The following KIF24 variants were observed in gnomAD, a reference collection of about 807,000 sequenced individuals.
KIF24 encodes kinesin-like protein KIF24.
KIF24 carries 81 observed loss-of-function variants against 118.9 expected under a neutral mutation model. That is an observed-to-expected ratio of 0.68 (90% CI 0.57 to 0.82). The LOEUF is 0.82. Among genes scored for constraint, KIF24 ranks in the 40% least tolerant of loss-of-function variants. The probability of loss-of-function intolerance (pLI) is 0.00; values close to 1 mark genes in which losing one functional copy is unlikely to be tolerated. For synonymous variants in KIF24, 599 were observed against 610.0 expected, an observed-to-expected ratio of 0.98 and a Z score of 0.27; for missense variants, 1,560 against 1,661.6, an observed-to-expected ratio of 0.94 and a Z score of 1.06.
At position 34,290,409 on chromosome 9, in the gene KIF24, C is replaced by A; in HGVS notation, c.912-20G>T. On this transcript the variant is annotated intron_variant, in intron 4 of 12. Coordinates refer to ENST00000402558, the MANE Select transcript of KIF24 (RefSeq NM_194313.4). ...TTGCCTCTGGGGAAAGGATAATTTG[C>A]ATTACTTATGCATATTAAGAGAAGT... The A allele has an allele frequency of 6.7e-7, 1 of 1,500,908 alleles. No homozygotes were observed. The highest frequency in any genetic ancestry group is 1.7e-4 in the Middle Eastern group (1 of 5,738). The allele number at this position is 1,500,908 out of a possible 1,614,324, so 93.0% of individuals were successfully genotyped here.
intron 9 of KIF24, among the ~76,000 whole-genome samples, chr9:34,262,056 C>T (rs1835076661): frequency 6.6e-6 from 1 of 152,196 alleles, no homozygotes; most frequent in Admixed American, 6.5e-5. Context: ...GCCTCAGCCT[C>T]CCAAGTAGCT....
At chr9:34,328,848 G>A (rs1837769906) in intron 1 of KIF24, among the ~76,000 whole-genome samples, 1 of 152,186 alleles carries the variant, frequency 6.6e-6, no homozygotes, top group South Asian at 2.1e-4. Flanking sequence ...GAAGGCTTTG[G>A]GACTCAAGAG....
At chr9:34,278,557 C>A (rs1487228940) in intron 6 of KIF24, among the ~76,000 whole-genome samples, 1 of 148,664 alleles carries the variant, frequency 6.7e-6, no homozygotes, top group Non-Finnish European at 1.5e-5. Context: ...ATATCATGGG[C>A]TCCCTAGAGC....
chr9:34,322,053 T>A (rs537296918), intron 1 of KIF24, among the ~76,000 whole-genome samples: 134 of 152,304 alleles, frequency 8.8e-4, no homozygotes, highest in African/African-American at 3.0e-3. Flanking sequence ...TGCAAAGTGT[T>A]TAAATTTTTT....
intron 1 of KIF24, among the ~76,000 whole-genome samples, chr9:34,325,344 CA>C (rs35972295): frequency 1.6e-3 from 185 of 118,184 alleles, no homozygotes; most frequent in Middle Eastern, 4.6e-3. Flanking sequence ...GACTTCGTCT[CA>C]AAAAAAAAAA....
In KIF24 at chr9:34,311,174, A is replaced by C; in HGVS notation, c.173T>G (p.Ile58Ser). 6.2e-7 allele frequency: 1 copy of C among 1,613,504 alleles called. No individual in the cohort carries two copies. Among genetic ancestry groups the C allele is most frequent in the African/African-American group, 1.3e-5 (1 of 75,012 alleles). ...TTCTTGCATAATCTTAATAATTTTG[A>C]TAAGTTGGAAGAGACGTTTGCGGTC... ...MNDRKRLFQLIKIIKIMQEED... is the reference protein window; with the variant it reads ...MNDRKRLFQLSKIIKIMQEED... Residue 58 changes from isoleucine (I) to serine (S), a missense_variant, in exon 2 of 13, where the codon ATC (isoleucine) becomes AGC (serine). Physicochemically the swap from Ile to Ser is moderately radical, Grantham distance 142 (BLOSUM62 -2). Coordinates refer to ENST00000402558, the MANE Select transcript of KIF24 (RefSeq NM_194313.4).
intron 1 of KIF24, among the ~76,000 whole-genome samples, chr9:34,317,650 C>A (rs1322766164): frequency 1.3e-5 from 2 of 152,168 alleles, no homozygotes; most frequent in Non-Finnish European, 2.9e-5. Flanking sequence ...CACTGTCCAG[C>A]CTATCCACAC....
At chr9:34,333,243 A>G (rs1563972167), upstream of KIF24, among the ~76,000 whole-genome samples, 1 of 152,182 alleles carries the variant, frequency 6.6e-6, no homozygotes, top group Non-Finnish European at 1.5e-5. Flanking sequence ...AGGATTTAAC[A>G]TCTACGGCCC....
intron 4 of KIF24, 48 bp downstream of exon 4, chr9:34,296,968 TG>T: frequency 1.1e-6 from 1 of 901,156 alleles, no homozygotes; most frequent in South Asian, 1.6e-5. Flanking sequence ...TATGGCCTAA[TG>T]GAAAATAGAA....
chr9:34,321,081 C>T (rs1195129804), intron 1 of KIF24, among the ~76,000 whole-genome samples: 1 of 152,128 alleles, frequency 6.6e-6, no homozygotes, highest in Non-Finnish European at 1.5e-5. Context: ...ACTGGTATAA[C>T]ACATCAGAGA....
intron 8 of KIF24, among the ~76,000 whole-genome samples, chr9:34,266,407 G>A (rs755123083): frequency 2.6e-5 from 4 of 152,056 alleles, no homozygotes; most frequent in Admixed American, 6.6e-5. Context: ...AACCAGGCGC[G>A]GTGGCTCATG....
chr9:34,293,470 T>C (rs1836332178), intron 4 of KIF24, among the ~76,000 whole-genome samples: 1 of 85,196 alleles, frequency 1.2e-5, no homozygotes, highest in Non-Finnish European at 2.4e-5. Flanking sequence ...TCAGTGAGAC[T>C]CTATCTCAAA....
chr9:34,322,290 T>C (rs1302170651), intron 1 of KIF24, among the ~76,000 whole-genome samples: 3 of 152,278 alleles, frequency 2.0e-5, no homozygotes, highest in African/African-American at 7.2e-5. Flanking sequence ...TTTATTCATT[T>C]ACATTAAGAA....
chr9:34,282,453 G>C (rs1008875205), intron 6 of KIF24: 2 of 151,940 alleles, frequency 1.3e-5, no homozygotes. Flanking sequence ...GACAATGGTT[G>C]CATAACTTCA....
At chr9:34,279,529 TGTAAA>T (rs1234094365) in intron 6 of KIF24, among the ~76,000 whole-genome samples, 6 of 152,248 alleles carry the variant, frequency 3.9e-5, no homozygotes, top group Admixed American at 2.0e-4. Flanking sequence ...GTGAGTCCTC[TGTAAA>T]GGCAGGAAGT....
Position 34,257,252 on chromosome 9 carries a change from T to C in KIF24, c.2355A>G (p.Pro785=). 6.2e-7 allele frequency: 1 copy of C among 1,613,994 alleles called. No individual in the cohort carries two copies. Among genetic ancestry groups the C allele is most frequent in the Non-Finnish European group, 8.5e-7 (1 of 1,179,888 alleles). Residue 785 remains proline (P), a synonymous_variant, in exon 11 of 13, where the codon CCA becomes CCG. Transcript: ENST00000402558. ...PLLQQKLKYQ[P]LKRSLRQYRP... is the part of the protein sequence containing the mutation. ...TGTACTGGCGTAAAGACCTTTTCAG[T>C]GGTTGGTATTTTAACTTCTGTTGGA...
chr9:34,290,861 A>G (rs764821956), intron 4 of KIF24, among the ~76,000 whole-genome samples: 16 of 152,180 alleles, frequency 1.1e-4, no homozygotes, highest in Non-Finnish European at 1.9e-4. Context: ...CGGCCACTCA[A>G]AGTGCTGGGA....
intron 9 of KIF24, among the ~76,000 whole-genome samples, chr9:34,261,974 C>T (rs949736157): frequency 5.3e-5 from 8 of 152,072 alleles, no homozygotes; most frequent in Admixed American, 3.9e-4. Flanking sequence ...CTTTTTGTCG[C>T]CCAGGCTGGA....
chr9:34,286,315 C>T (rs1836049333), intron 6 of KIF24, among the ~76,000 whole-genome samples: 1 of 152,134 alleles, frequency 6.6e-6, no homozygotes, highest in African/African-American at 2.4e-5. Flanking sequence ...GGTTGGGTGA[C>T]AGAGCGAGAC....
Sources: allele counts gnomAD v4.1 joint callset (sites outside exome capture counted in the v4.1 genomes callset), GRCh38; gene constraint gnomAD v4.1.1; transcripts MANE v1.5; gene names NCBI Gene and HGNC (gene_info 2026-07-23, HGNC 2026-07-21).